The following LDLRAD3 variants were observed in gnomAD, a reference collection of about 807,000 sequenced individuals.
LDLRAD3 encodes the protein low density lipoprotein receptor class A domain containing 3.
A neutral mutation model predicts 29.4 loss-of-function variants in LDLRAD3; 20 were observed. That is an observed-to-expected ratio of 0.68 (90% confidence interval 0.48 to 0.99). The LOEUF is 0.99. Ranked by LOEUF, LDLRAD3 falls within the 50% of genes least tolerant of loss-of-function variation. The pLI is 0.00. For synonymous variants in LDLRAD3, 157 were observed against 192.7 expected (o/e 0.81, Z 1.53); for missense variants, 420 against 454.3 (o/e 0.92, Z 0.69).
At chr11:36,061,650 A>G (rs554177096) in intron 2 of LDLRAD3, among the ~76,000 whole-genome samples, 2 of 152,162 alleles carry the variant, frequency 1.3e-5, no homozygotes, top group Non-Finnish European at 2.9e-5. Flanking sequence ...ACTATAATAA[A>G]TTGGTTTTTG....
At chr11:36,133,207 C>CTTTT (rs60402803) in intron 4 of LDLRAD3, among the ~76,000 whole-genome samples, 4 of 146,516 alleles carry the variant, frequency 2.7e-5, no homozygotes, top group African/African-American at 5.1e-5. Context: ...TTTCTTTTTT[C>CTTTT]TTTTTTTTAG....
chr11:36,045,836 G>A (rs963733313), intron 2 of LDLRAD3, among the ~76,000 whole-genome samples: 8 of 151,394 alleles, frequency 5.3e-5, no homozygotes, highest in Non-Finnish European at 7.4e-5. Context: ...TGGGATACAT[G>A]TGCAGAAAGT....
intron 1 of LDLRAD3, among the ~76,000 whole-genome samples, chr11:35,972,168 C>T (rs1851421139): frequency 6.6e-6 from 1 of 152,020 alleles, no homozygotes; most frequent in South Asian, 2.1e-4. Flanking sequence ...AAGCACAAAA[C>T]TCTGTGAAAC....
At chr11:36,187,677 G>A (rs1854872647) in intron 4 of LDLRAD3, among the ~76,000 whole-genome samples, 1 of 152,198 alleles carries the variant, frequency 6.6e-6, no homozygotes, top group Non-Finnish European at 1.5e-5. Context: ...GATTCTGGGT[G>A]TGTTTGTTTT....
chr11:35,944,751 G>A lies in LDLRAD3; in HGVS notation c.46+607G>A, dbSNP rs1851035160. ...ATTCATTTTTCCCCACTGATCCTGG[G>A]AACCGAAGCTTTATTTAAGACGTCT... On this transcript the variant is annotated intron_variant, in intron 1 of 5. Transcript: ENST00000315571. This position sits in a 1 kb window ranked among gnomAD's most constrained non-coding sequence, Gnocchi z 4.9. Among the ~76,000 whole-genome samples, 1 of 152,214 alleles carries A rather than the reference G, an allele frequency of 6.6e-6. No homozygotes were observed. The highest frequency in any genetic ancestry group is 2.4e-5 in the African/African-American group (1 of 41,456).
chr11:36,221,367 C>CAA (rs34614422), intron 4 of LDLRAD3, among the ~76,000 whole-genome samples: 64 of 140,442 alleles, frequency 4.6e-4, no homozygotes, highest in Non-Finnish European at 6.4e-4. Context: ...GACTCCATCT[C>CAA]AAAAAAAAAA....
rs555035520 is a variant in LDLRAD3 at position 36,116,676 on chromosome 11, TAAAAAATA to T, written c.454+18233_454+18240del. Among the ~76,000 whole-genome samples the T allele has an allele frequency of 2.0e-3, 307 of 151,208 alleles. 2 individuals carry two copies. The highest frequency in any genetic ancestry group is 6.6e-3 in the African/African-American group (271 of 41,076). On this transcript the variant is annotated intron_variant, in intron 4 of 5. Coordinates refer to ENST00000315571, the MANE Select transcript of LDLRAD3 (RefSeq NM_174902.4). ...ATATCAAGGGAGGAGACTAAAAAAATAAAAAATAAAAAAATAAAAAAATAACAACTGGC... is the reference window on the plus strand; with the variant it reads ...ATATCAAGGGAGGAGACTAAAAAAATAAAAAATAAAAAAATAACAACTGGC...
intron 4 of LDLRAD3, among the ~76,000 whole-genome samples, chr11:36,109,559 C>A (rs1017279746): frequency 1.2e-4 from 19 of 152,112 alleles, no homozygotes; most frequent in Non-Finnish European, 1.8e-4. Context: ...CCAGGCCCCC[C>A]ACTAGTCTGG....
rs186125801 is a variant in LDLRAD3 at position 35,976,144 on chromosome 11, G to A, written c.46+32000G>A. 3.7e-4 allele frequency among the ~76,000 whole-genome samples: 57 copies of A among 152,266 alleles called. 1 individual carries two copies. The highest frequency in any genetic ancestry group is 1.2e-3 in the African/African-American group (50 of 41,540). On this transcript the variant is annotated intron_variant, in intron 1 of 5. Transcript: ENST00000315571. ...GAAGCAGAAATGTGATGATCTCAGA[G>A]TTGGGGACCACATGGATGGGGTGGG...
intron 2 of LDLRAD3, among the ~76,000 whole-genome samples, chr11:36,071,010 C>G (rs1483446339): frequency 6.6e-6 from 1 of 152,150 alleles, no homozygotes; most frequent in Non-Finnish European, 1.5e-5. Context: ...AAGATCGATG[C>G]CCTGTACCCG....
intron 1 of LDLRAD3, among the ~76,000 whole-genome samples, chr11:36,019,093 G>A (rs1291030305): frequency 6.6e-6 from 1 of 152,092 alleles, no homozygotes; most frequent in Non-Finnish European, 1.5e-5. Context: ...TATTTAATTA[G>A]GTGAAATTTT....
chr11:36,199,710 A>G (rs559875777), intron 4 of LDLRAD3, among the ~76,000 whole-genome samples: 2 of 152,376 alleles, frequency 1.3e-5, no homozygotes, highest in South Asian at 4.1e-4. Flanking sequence ...TGTGTCATAA[A>G]GAGTTGTCTT....
Position 36,150,096 on chromosome 11 carries a change from C to T in LDLRAD3, c.454+51635C>T, listed in dbSNP as rs183184965. ...CCAGGCTGCAGGGGGTATCGTTTAC[C>T]TGGGGACTGTGTGGTGTCCCATCTC... On this transcript the variant is annotated intron_variant, in intron 4 of 5. Transcript: ENST00000315571. Among the ~76,000 whole-genome samples, 101 of 152,248 alleles carry T rather than the reference C, an allele frequency of 6.6e-4. No individual in the cohort carries two copies. The Middle Eastern group carries it at 0.017, about 26-fold the overall frequency.
chr11:36,201,422 A>C (rs1855125092), intron 4 of LDLRAD3, among the ~76,000 whole-genome samples: 1 of 152,182 alleles, frequency 6.6e-6, no homozygotes, highest in Non-Finnish European at 1.5e-5. Flanking sequence ...ATTTGCCATA[A>C]TGCCTGGTAG....
chr11:36,103,298 G>T (rs1222623651), intron 4 of LDLRAD3, among the ~76,000 whole-genome samples: 1 of 147,500 alleles, frequency 6.8e-6, no homozygotes. Flanking sequence ...GTGCAGTGGC[G>T]CGATCTCAGC....
At chr11:36,194,661 C>T (rs1855005788) in intron 4 of LDLRAD3, among the ~76,000 whole-genome samples, 1 of 152,134 alleles carries the variant, frequency 6.6e-6, no homozygotes, top group Non-Finnish European at 1.5e-5. Context: ...ATCCACTTGT[C>T]TTAGAACTCA....
chr11:36,173,926 G>T (rs1305646479), intron 4 of LDLRAD3, among the ~76,000 whole-genome samples: 1 of 152,174 alleles, frequency 6.6e-6, no homozygotes, highest in Non-Finnish European at 1.5e-5. Context: ...AGCCAAAAGA[G>T]CAAAGCTGGA....
chr11:36,136,689 A>G (rs927400970), intron 4 of LDLRAD3, among the ~76,000 whole-genome samples: 2 of 148,522 alleles, frequency 1.3e-5, no homozygotes, highest in Non-Finnish European at 3.0e-5. Flanking sequence ...CTGTGAGCCA[A>G]CTAATCCTCT....
At chr11:35,982,305 G>T (rs923602389) in intron 1 of LDLRAD3, among the ~76,000 whole-genome samples, 1 of 151,966 alleles carries the variant, frequency 6.6e-6, no homozygotes, top group Non-Finnish European at 1.5e-5. Context: ...TGCCTTCGTC[G>T]TGACATTATG....
Sources: gnomAD v4.1 joint callset for allele counts (sites outside exome capture counted in the v4.1 genomes callset) on GRCh38, gnomAD v4.1.1 for gene constraint, Gnocchi (gnomAD v3.1) non-coding constraint, MANE v1.5 for transcripts, NCBI Gene and HGNC (gene_info 2026-07-23, HGNC 2026-07-21) for gene names.